The following SPATA13 variants were observed in gnomAD, a reference collection of about 807,000 sequenced individuals.
SPATA13 encodes spermatogenesis-associated protein 13.
In SPATA13, 50 loss-of-function variants were observed where a neutral mutation model predicts 104.0. The observed-to-expected ratio is 0.48, with a 90% CI of 0.38 to 0.61. The LOEUF is 0.61. SPATA13 is among the 20% of genes least tolerant of loss of function. The probability of loss-of-function intolerance (pLI) is 0.00; values close to 1 mark genes in which losing one functional copy is unlikely to be tolerated. For synonymous variants in SPATA13, 606 were observed against 667.5 expected (o/e 0.91, Z 1.42); for missense variants, 1,524 against 1,690.6 (o/e 0.90, Z 1.73).
intron 9 of SPATA13, 85 bp from the exon 10 acceptor site, chr13:24,294,654 G>T: frequency 6.9e-7 from 1 of 1,444,576 alleles, no homozygotes; most frequent in Non-Finnish European, 9.4e-7. Context: ...ATTCGTATAC[G>T]AAGAAGCGCC....
chr13:24,236,719 G>A (rs774369783), intron 2 of SPATA13, among the ~76,000 whole-genome samples: 1 of 151,994 alleles, frequency 6.6e-6, no homozygotes, highest in Non-Finnish European at 1.5e-5. Flanking sequence ...CCATTAGAAT[G>A]GCTACTATAA....
intron 1 of SPATA13, among the ~76,000 whole-genome samples, chr13:23,982,766 C>A (rs546485726): frequency 2.8e-4 from 42 of 152,348 alleles, no homozygotes; most frequent in Non-Finnish European, 5.7e-4. Flanking sequence ...TTGAACGAGT[C>A]AGACAGGGTC....
At chr13:24,173,501 C>T (rs1240076352) in intron 1 of SPATA13, among the ~76,000 whole-genome samples, 9 of 145,608 alleles carry the variant, frequency 6.2e-5, no homozygotes, top group Non-Finnish European at 4.5e-5. Flanking sequence ...TATTCCCCCC[C>T]GTCCCCCAAC....
At chr13:24,002,292 G>A (rs546819442) in intron 2 of SPATA13, among the ~76,000 whole-genome samples, 1 of 152,288 alleles carries the variant, frequency 6.6e-6, no homozygotes, top group Admixed American at 6.5e-5. Context: ...TTGAATGACA[G>A]GTATCTACCA....
At chr13:24,184,375 C>T (rs1420389369) in intron 1 of SPATA13, among the ~76,000 whole-genome samples, 1 of 152,214 alleles carries the variant, frequency 6.6e-6, no homozygotes, top group African/African-American at 2.4e-5. Flanking sequence ...GAACCTGCAC[C>T]TGCTGTGCGG....
chr13:24,296,435 A>G (rs1305677491), intron 10 of SPATA13, among the ~76,000 whole-genome samples: 1 of 152,206 alleles, frequency 6.6e-6, no homozygotes, highest in Non-Finnish European at 1.5e-5. Context: ...AAATATAATA[A>G]AAGTGTGTTT....
chr13:24,150,364 C>T (rs2138469850), intron 3 of SPATA13, among the ~76,000 whole-genome samples: 1 of 152,316 alleles, frequency 6.6e-6, no homozygotes, highest in Non-Finnish European at 1.5e-5. Flanking sequence ...CATGGCAGTG[C>T]ATCTCAGCAC....
intron 4 of SPATA13, among the ~76,000 whole-genome samples, chr13:24,279,497 G>A (rs894094589): frequency 2.0e-5 from 3 of 152,188 alleles, no homozygotes; most frequent in Non-Finnish European, 4.4e-5. Flanking sequence ...AGGGGCTGCT[G>A]GAGGGAGCCC....
intron 3 of SPATA13, among the ~76,000 whole-genome samples, chr13:24,136,336 T>C (rs1322899997): frequency 6.6e-6 from 1 of 151,726 alleles, no homozygotes; most frequent in Non-Finnish European, 1.5e-5. Context: ...ATTAGCCGGG[T>C]GTGGTGGCGC....
chr13:24,283,534 G>C (rs919713119), intron 4 of SPATA13, among the ~76,000 whole-genome samples: 2 of 152,158 alleles, frequency 1.3e-5, no homozygotes, highest in Non-Finnish European at 2.9e-5. Flanking sequence ...TGACTAGCAG[G>C]GTGGCCAATC....
At chr13:24,122,086 G>C (rs1881047932) in intron 3 of SPATA13, 2 of 1,603,734 alleles carry the variant, frequency 1.2e-6, no homozygotes, top group Non-Finnish European at 1.7e-6. Context: ...CTGGTGCTGG[G>C]CCTCCAAAAT....
In SPATA13 at chr13:24,151,199, G is replaced by A. The variant is rs575725727; in HGVS notation, c.-111-71620G>A. ...CAGATGCTTCCTCCCGCAGTGCTGAGCTATCTGTGCTGTGATTGTGGGCAT... is the reference window on the plus strand; with the variant it reads ...CAGATGCTTCCTCCCGCAGTGCTGAACTATCTGTGCTGTGATTGTGGGCAT... On this transcript the variant is annotated intron_variant, in intron 3 of 14. Coordinates refer to the SPATA13 transcript ENST00000424834. 9.3e-4 allele frequency among the ~76,000 whole-genome samples: 141 copies of A among 152,286 alleles called. 3 individuals carry two copies. Among genetic ancestry groups the A allele is most frequent in the Non-Finnish European group, 1.3e-4 (9 of 68,020 alleles).
At chr13:24,248,624 G>A (rs939642690) in intron 2 of SPATA13, among the ~76,000 whole-genome samples, 5 of 152,116 alleles carry the variant, frequency 3.3e-5, no homozygotes, top group African/African-American at 9.7e-5. Context: ...TTGAATCCTC[G>A]TTCAGTGCTC....
At chr13:24,151,595 A>G (rs1373076723) in intron 3 of SPATA13, among the ~76,000 whole-genome samples, 1 of 152,172 alleles carries the variant, frequency 6.6e-6, no homozygotes, top group Non-Finnish European at 1.5e-5. Flanking sequence ...ATAGATGTCC[A>G]TTACTGGAGT....
At chr13:24,210,350 C>T (rs982577027) in intron 1 of SPATA13, among the ~76,000 whole-genome samples, 1 of 152,162 alleles carries the variant, frequency 6.6e-6, no homozygotes, top group African/African-American at 2.4e-5. Flanking sequence ...ATTGCCAAGA[C>T]CAGTGTCAAG....
At chr13:24,077,379 A>G (rs985612273) in intron 3 of SPATA13, among the ~76,000 whole-genome samples, 1 of 152,014 alleles carries the variant, frequency 6.6e-6, no homozygotes, top group African/African-American at 2.4e-5. Context: ...GGGATCCATG[A>G]GTTGACAAGT....
intron 3 of SPATA13, among the ~76,000 whole-genome samples, chr13:24,048,263 T>C (rs1177511187): frequency 6.6e-6 from 1 of 152,180 alleles, no homozygotes; most frequent in African/African-American, 2.4e-5. Context: ...TGCTTTTAAT[T>C]TGCATTTCCC....
upstream of SPATA13, among the ~76,000 whole-genome samples, chr13:24,159,555 G>A (rs149403544): frequency 9.8e-5 from 15 of 152,296 alleles, no homozygotes; most frequent in Admixed American, 7.8e-4. Flanking sequence ...AGTGGCACAT[G>A]TGTTATGATT....
At chr13:24,035,693 G>A (rs962605980) in intron 3 of SPATA13, among the ~76,000 whole-genome samples, 2 of 152,160 alleles carry the variant, frequency 1.3e-5, no homozygotes, top group African/African-American at 4.8e-5. Flanking sequence ...CAAACTCTTA[G>A]TCTCAGGACT....
Sources: allele counts gnomAD v4.1 joint callset (sites outside exome capture counted in the v4.1 genomes callset), GRCh38; gene constraint gnomAD v4.1.1; transcripts MANE v1.5; gene names NCBI Gene and HGNC (gene_info 2026-07-23, HGNC 2026-07-21).